PPP3CA: variants seen among roughly 807,000 people sequenced by gnomAD.
PPP3CA encodes CAM-PRP catalytic subunit.
A neutral mutation model predicts 66.5 loss-of-function variants in PPP3CA; 14 were observed. The ratio of observed to expected loss-of-function variants is 0.21; its 90% CI spans 0.14 to 0.33. The LOEUF (loss-of-function observed/expected upper bound fraction) is 0.33, where lower values mean the gene tolerates loss of function less well. PPP3CA is among the 10% of genes least tolerant of loss of function. The pLI, the probability that PPP3CA is intolerant of heterozygous loss-of-function variation, is 1.00. For synonymous variants in PPP3CA, 232 were observed against 226.2 expected, an observed-to-expected ratio of 1.03 and a Z score of -0.23; for missense variants, 317 against 639.5, an observed-to-expected ratio of 0.50 and a Z score of 5.44.
intron 13 of PPP3CA, among the ~76,000 whole-genome samples, chr4:101,026,532 A>G (rs1262715274): frequency 6.6e-6 from 1 of 152,196 alleles, no homozygotes; most frequent in Non-Finnish European, 1.5e-5. Context: ...TATACCTAAA[A>G]ACCTAGCAAA....
At chr4:101,311,838 T>C (rs1455209000) in intron 1 of PPP3CA, among the ~76,000 whole-genome samples, 1 of 152,144 alleles carries the variant, frequency 6.6e-6, no homozygotes, top group African/African-American at 2.4e-5. Flanking sequence ...CTGGTAAAGC[T>C]CAGGTTCTGA....
At chr4:101,099,265 T>C (rs1025404132) in intron 4 of PPP3CA, among the ~76,000 whole-genome samples, 3 of 152,128 alleles carry the variant, frequency 2.0e-5, no homozygotes, top group Non-Finnish European at 2.9e-5. Flanking sequence ...AACAGAGGCA[T>C]AGGGTTGAAT....
At position 101,025,669 on chromosome 4, in the gene PPP3CA, C is replaced by T. The variant is rs1726601162; in HGVS notation, c.*196G>A. The T allele has an allele frequency of 4.3e-6, 2 of 469,292 alleles. No homozygotes were observed. Among genetic ancestry groups the T allele is most frequent in the Non-Finnish European group, 7.3e-6 (2 of 273,062 alleles). The allele number at this position is 469,292 out of a possible 1,614,324, so 29.1% of individuals were successfully genotyped here. The stretch of plus-strand genomic sequence containing the variant: ...CAAAAGAGGTGTTTAATCACCATCC[C>T]CACCAAAATATAGTTTATTATCTCT... On this transcript the variant is annotated 3_prime_UTR_variant, in exon 14 of 14. Transcript: ENST00000394854.
At chr4:101,262,154 T>C (rs1381477813) in intron 1 of PPP3CA, among the ~76,000 whole-genome samples, 1 of 152,064 alleles carries the variant, frequency 6.6e-6, no homozygotes, top group African/African-American at 2.4e-5. Context: ...AAAAAAGAAG[T>C]ATCCACCAAG....
intron 1 of PPP3CA, among the ~76,000 whole-genome samples, chr4:101,284,284 T>A (rs1238614925): frequency 1.3e-5 from 2 of 152,202 alleles, no homozygotes; most frequent in East Asian, 3.8e-4. Flanking sequence ...GGGTTTCAAG[T>A]CTTGGAGTTA....
At chr4:101,166,852 C>A (rs539237178) in intron 2 of PPP3CA, among the ~76,000 whole-genome samples, 1 of 152,250 alleles carries the variant, frequency 6.6e-6, no homozygotes, top group South Asian at 2.1e-4. Context: ...ACTTTGGGTT[C>A]AAGCCAAAAC....
intron 1 of PPP3CA, among the ~76,000 whole-genome samples, chr4:101,298,872 T>TG (rs1728280416): frequency 6.6e-6 from 1 of 151,084 alleles, no homozygotes; most frequent in Non-Finnish European, 1.5e-5. Context: ...TGTGTGTGTG[T>TG]GTGTGTGTGT....
chr4:101,339,184 GA>G (rs1262509176), intron 1 of PPP3CA, among the ~76,000 whole-genome samples: 1 of 152,172 alleles, frequency 6.6e-6, no homozygotes, highest in African/African-American at 2.4e-5. Flanking sequence ...AGCATTATAG[GA>G]AATGATATAT....
At chr4:101,099,098 T>A in intron 4 of PPP3CA, among the ~76,000 whole-genome samples, 1 of 152,166 alleles carries the variant, frequency 6.6e-6, no homozygotes, top group East Asian at 1.9e-4. Flanking sequence ...TAAGGTTTTA[T>A]ACCTTTGTAA....
At chr4:101,118,733 T>C (rs1455615471) in intron 2 of PPP3CA, among the ~76,000 whole-genome samples, 3 of 152,066 alleles carry the variant, frequency 2.0e-5, no homozygotes, top group Admixed American at 6.6e-5. Context: ...TACTTTCTTA[T>C]TCATTCTGCT....
Position 101,299,620 on chromosome 4 carries a change from A to G in PPP3CA, c.58+47119T>C, listed in dbSNP as rs144561119. Among the ~76,000 whole-genome samples, 862 of 152,288 alleles carry G rather than the reference A, an allele frequency of 5.7e-3. 12 individuals are homozygous for G. The highest frequency in any genetic ancestry group is 0.02 in the African/African-American group (827 of 41,540). On this transcript the variant is annotated intron_variant, in intron 1 of 13. Coordinates refer to ENST00000394854, the MANE Select transcript of PPP3CA (RefSeq NM_000944.5). ...TATGTGTATATATGTATTTATTTAT[A>G]AGAAATAAATATTACATACCAGAAT...
At chr4:101,083,460 A>C (rs1729527785) in intron 6 of PPP3CA, among the ~76,000 whole-genome samples, 197 bp from the exon 7 acceptor site, 1 of 152,150 alleles carries the variant, frequency 6.6e-6, no homozygotes, top group South Asian at 2.1e-4. Flanking sequence ...TTTTTACATA[A>C]TCAGAAAGGG....
At chr4:101,144,329 T>C (rs998589179) in intron 2 of PPP3CA, among the ~76,000 whole-genome samples, 1 of 152,206 alleles carries the variant, frequency 6.6e-6, no homozygotes, top group Non-Finnish European at 1.5e-5. Context: ...TAGGGGACTT[T>C]CCTTGACAAA....
intron 10 of PPP3CA, among the ~76,000 whole-genome samples, chr4:101,044,184 A>T (rs1727660957): frequency 6.6e-6 from 1 of 152,228 alleles, no homozygotes; most frequent in South Asian, 2.1e-4. Context: ...GTTCAGATGT[A>T]AATGTTCTGG....
chr4:101,078,878 A>G (rs1729302470), intron 8 of PPP3CA, among the ~76,000 whole-genome samples: 1 of 152,156 alleles, frequency 6.6e-6, no homozygotes, highest in Admixed American at 6.5e-5. Context: ...AGCAGAGAAC[A>G]TGTTTTATTT....
chr4:101,175,343 A>G (rs973242493), intron 2 of PPP3CA, among the ~76,000 whole-genome samples: 1 of 152,170 alleles, frequency 6.6e-6, no homozygotes, highest in African/African-American at 2.4e-5. Context: ...ATTGAATGAA[A>G]TCAGAGAAAA....
chr4:101,240,330 A>G (rs535638199), intron 1 of PPP3CA, among the ~76,000 whole-genome samples: 1 of 152,230 alleles, frequency 6.6e-6, no homozygotes, highest in Admixed American at 6.5e-5. Context: ...AATTACATAA[A>G]ATTAATGGAG....
At chr4:101,305,477 T>C (rs1728505698) in intron 1 of PPP3CA, among the ~76,000 whole-genome samples, 1 of 152,186 alleles carries the variant, frequency 6.6e-6, no homozygotes. Context: ...TTAGCAACTT[T>C]TAATCATAAA....
At chr4:101,188,540 G>T (rs1024159990) in intron 2 of PPP3CA, among the ~76,000 whole-genome samples, 1 of 152,082 alleles carries the variant, frequency 6.6e-6, no homozygotes, top group South Asian at 2.1e-4. Context: ...TGATGAACGC[G>T]ATCTAAAAAT....
Sources: allele counts gnomAD v4.1 joint callset (sites outside exome capture counted in the v4.1 genomes callset), GRCh38; gene constraint gnomAD v4.1.1; transcripts MANE v1.5; gene names NCBI Gene and HGNC (gene_info 2026-07-23, HGNC 2026-07-21).